DYM: variants seen among roughly 807,000 people sequenced by gnomAD.
DYM encodes the protein dyggve-Melchior-Clausen syndrome protein.
Under a neutral mutation model 93.1 loss-of-function variants are expected in DYM, and 78 were observed. That is an observed-to-expected ratio of 0.84 (90% CI 0.70 to 1.01). The LOEUF is 1.01. Ranked by LOEUF, DYM falls within the 50% of genes least tolerant of loss-of-function variation. The pLI, the probability that DYM is intolerant of heterozygous loss-of-function variation, is 0.00. For synonymous variants in DYM, 321 were observed against 319.7 expected (o/e 1.00, Z -0.04); for missense variants, 789 against 845.0 (o/e 0.93, Z 0.82).
intron 1 of DYM, among the ~76,000 whole-genome samples, chr18:49,443,091 G>A (rs1215429429): frequency 3.3e-5 from 5 of 152,006 alleles, no homozygotes; most frequent in Admixed American, 2.6e-4. Context: ...CAGGTGATCT[G>A]CCCACATTAG....
intron 6 of DYM, among the ~76,000 whole-genome samples, chr18:49,347,506 G>A (rs917545281): frequency 1.3e-5 from 2 of 152,216 alleles, no homozygotes; most frequent in Middle Eastern, 3.4e-3. Context: ...TCGCCGATTC[G>A]AAATGAAGAA....
intron 6 of DYM, among the ~76,000 whole-genome samples, chr18:49,350,630 T>C: frequency 6.8e-6 from 1 of 147,656 alleles, no homozygotes. Flanking sequence ...CATTTAAACC[T>C]GGGAGGCGGA....
intron 15 of DYM, among the ~76,000 whole-genome samples, chr18:49,143,745 G>A (rs1290315543): frequency 2.0e-5 from 3 of 152,106 alleles, no homozygotes; most frequent in African/African-American, 7.2e-5. Flanking sequence ...TATAACCTCT[G>A]TAACTTTCTT....
intron 6 of DYM, among the ~76,000 whole-genome samples, chr18:49,335,603 C>T (rs1472234866): frequency 6.6e-6 from 1 of 152,010 alleles, no homozygotes; most frequent in Non-Finnish European, 1.5e-5. Context: ...CTCAGAACCC[C>T]CAAAAATTTT....
chr18:49,412,234 C>CT (rs2072330862), intron 2 of DYM, among the ~76,000 whole-genome samples: 1 of 60,982 alleles, frequency 1.6e-5, no homozygotes, highest in Non-Finnish European at 3.9e-5. Context: ...AAAACATTGA[C>CT]TTAAAAAAAA....
chr18:49,410,289 G>C (rs138995168), intron 2 of DYM, among the ~76,000 whole-genome samples: 1,644 of 151,878 alleles, frequency 0.011, 29 homozygotes, highest in African/African-American at 0.038. Flanking sequence ...TAGAACTCCT[G>C]GCCTCAAACA....
chr18:49,316,093 C>G (rs1019336870), intron 8 of DYM, among the ~76,000 whole-genome samples: 1 of 152,118 alleles, frequency 6.6e-6, no homozygotes, highest in East Asian at 1.9e-4. Context: ...ACCAGCCTGG[C>G]CAACACAGTG....
At position 49,430,130 on chromosome 18, in the gene DYM, G is replaced by C. The variant is rs188707942; in HGVS notation, c.140+125C>G. 1.2e-4 allele frequency: 113 copies of C among 954,298 alleles called. No homozygotes were observed. The African/African-American group carries it at 1.6e-3, about 14-fold the overall frequency. The allele number at this position is 954,298 out of a possible 1,614,324, so 59.1% of individuals were successfully genotyped here. A position where few individuals can be genotyped will look rare whatever the true frequency, so the allele number is the denominator to read the frequency against. On this transcript the variant is annotated intron_variant, in intron 2 of 17. Transcript: ENST00000675505. Reference sequence around the variant, plus strand: ...TTTCAAATCTTTTGGATTTTCTACTGATCTATGTATGACAGATAGACTAGA... The same window carrying C: ...TTTCAAATCTTTTGGATTTTCTACTCATCTATGTATGACAGATAGACTAGA...
intron 2 of DYM, among the ~76,000 whole-genome samples, chr18:49,408,670 A>G (rs1208057877): frequency 1.3e-5 from 2 of 152,194 alleles, no homozygotes; most frequent in Non-Finnish European, 2.9e-5. Context: ...ACAAATATGG[A>G]TTGTTTTCCC....
chr18:49,076,929 T>C (rs2077357755), intron 17 of DYM, among the ~76,000 whole-genome samples: 1 of 152,178 alleles, frequency 6.6e-6, no homozygotes, highest in African/African-American at 2.4e-5. Context: ...CTGGACTCTT[T>C]AAACGCTCTA....
intron 14 of DYM, among the ~76,000 whole-genome samples, chr18:49,199,179 G>A (rs2091790977): frequency 2.0e-5 from 3 of 152,102 alleles, no homozygotes; most frequent in Admixed American, 2.0e-4. Context: ...AATGAACAAT[G>A]AGAACACTTG....
intron 8 of DYM, among the ~76,000 whole-genome samples, chr18:49,327,403 C>A (rs1054688170): frequency 2.0e-5 from 3 of 152,144 alleles, no homozygotes; most frequent in Non-Finnish European, 4.4e-5. Context: ...GTCACTCAGG[C>A]TGGAGTGCGG....
chr18:49,404,158 C>T (rs2071181456), intron 2 of DYM, among the ~76,000 whole-genome samples: 1 of 152,152 alleles, frequency 6.6e-6, no homozygotes, highest in South Asian at 2.1e-4. Flanking sequence ...CAGGTGTATG[C>T]CACCACACCT....
At chr18:49,184,121 T>A (rs978249695) in intron 14 of DYM, among the ~76,000 whole-genome samples, 2 of 152,160 alleles carry the variant, frequency 1.3e-5, no homozygotes, top group Non-Finnish European at 2.9e-5. Flanking sequence ...CTAATATACA[T>A]AGGGATGTGT....
chr18:49,384,313 C>T lies in DYM; in HGVS notation c.194-4555G>A, dbSNP rs567317696. Among the ~76,000 whole-genome samples, 5 of 115,626 alleles carry T rather than the reference C, an allele frequency of 4.3e-5. No individual in the cohort carries two copies. The South Asian group carries it at 1.6e-3, about 37-fold the overall frequency. The allele number at this position is 115,626 out of a possible 152,430, so 75.9% of individuals were successfully genotyped here. A position where few individuals can be genotyped will look rare whatever the true frequency, so the allele number is the denominator to read the frequency against. ...CTCCAGCATGAGCGACAGAGTGAGACCATGTCTCCAAAAAAAAAAAAAAAA... is the reference window on the plus strand; with the variant it reads ...CTCCAGCATGAGCGACAGAGTGAGATCATGTCTCCAAAAAAAAAAAAAAAA... On this transcript the variant is annotated intron_variant, in intron 3 of 17. Coordinates refer to ENST00000675505, the MANE Select transcript of DYM (RefSeq NM_001353214.3).
intron 14 of DYM, among the ~76,000 whole-genome samples, chr18:49,187,477 T>A (rs1176781029): frequency 2.0e-5 from 3 of 152,200 alleles, no homozygotes; most frequent in Non-Finnish European, 4.4e-5. Flanking sequence ...AGAAATCCCA[T>A]TAACATATTT....
chr18:49,289,770 TATAC>T (rs1320315730), intron 8 of DYM, among the ~76,000 whole-genome samples: 1 of 42,708 alleles, frequency 2.3e-5, no homozygotes, highest in African/African-American at 1.0e-4. Flanking sequence ...TATATATATA[TATAC>T]ACATATATAT....
chr18:49,306,001 A>T (rs575202202), intron 8 of DYM, among the ~76,000 whole-genome samples: 1 of 152,370 alleles, frequency 6.6e-6, no homozygotes, highest in East Asian at 1.9e-4. Context: ...TTCATTGCAC[A>T]CACATTATAA....
intron 10 of DYM, among the ~76,000 whole-genome samples, chr18:49,279,062 T>C (rs1177511612): frequency 2.6e-5 from 4 of 152,204 alleles, no homozygotes; most frequent in African/African-American, 9.7e-5. Flanking sequence ...GGATTCGCCC[T>C]AGACACTATT....
Sources: allele counts gnomAD v4.1 joint callset (sites outside exome capture counted in the v4.1 genomes callset), GRCh38; gene constraint gnomAD v4.1.1; transcripts MANE v1.5; gene names NCBI Gene and HGNC (gene_info 2026-07-23, HGNC 2026-07-21).